SYT1: variants seen among roughly 807,000 people sequenced by gnomAD.
The protein encoded by SYT1 is synaptotagmin-1.
Under a neutral mutation model 44.8 loss-of-function variants are expected in SYT1, and 8 were observed. That is an observed-to-expected ratio of 0.18 (90% CI 0.10 to 0.32). SYT1 has a LOEUF of 0.32. SYT1 is among the 10% of genes least tolerant of loss of function. The probability of loss-of-function intolerance (pLI) is 1.00; values close to 1 mark genes in which losing one functional copy is unlikely to be tolerated. For synonymous variants in SYT1, 154 were observed against 188.8 expected, an observed-to-expected ratio of 0.82 and a Z score of 1.51; for missense variants, 286 against 509.3, an observed-to-expected ratio of 0.56 and a Z score of 4.22.
rs1883902647 is a variant in SYT1 at position 79,374,194 on chromosome 12, T to C, written c.928+20575T>C. 2.0e-5 allele frequency among the ~76,000 whole-genome samples: 3 copies of C among 152,286 alleles called. 1 individual carries two copies. In the South Asian group the frequency reaches 6.2e-4, roughly 32 times the overall value. On this transcript the variant is annotated intron_variant, in intron 9 of 10. Coordinates refer to ENST00000261205, the MANE Select transcript of SYT1 (RefSeq NM_005639.3). Reference sequence around the variant, plus strand: ...ACCTCAGTAAATTTCCAATCCTTTATTTTTAGAAGAAGAAAATAAAGTAGA... The same window carrying C: ...ACCTCAGTAAATTTCCAATCCTTTACTTTTAGAAGAAGAAAATAAAGTAGA...
chr12:79,000,372 C>A (rs1870660269), intron 2 of SYT1, among the ~76,000 whole-genome samples: 1 of 147,336 alleles, frequency 6.8e-6, no homozygotes, highest in South Asian at 2.1e-4. Flanking sequence ...CAGCTCAATG[C>A]AACCTCCGCC....
At chr12:79,045,375 C>A (rs1441199197) in intron 2 of SYT1, among the ~76,000 whole-genome samples, 1 of 152,190 alleles carries the variant, frequency 6.6e-6, no homozygotes, top group Non-Finnish European at 1.5e-5. Flanking sequence ...GAGGGAGTGA[C>A]CCGATTTTCC....
At chr12:79,148,482 C>T (rs1277546565) in intron 3 of SYT1, among the ~76,000 whole-genome samples, 1 of 152,060 alleles carries the variant, frequency 6.6e-6, no homozygotes, top group East Asian at 1.9e-4. Context: ...TTGACCTCTT[C>T]AACTAACGAT....
intron 1 of SYT1, among the ~76,000 whole-genome samples, chr12:78,898,781 T>C (rs1875499266): frequency 6.6e-6 from 1 of 152,030 alleles, no homozygotes; most frequent in Non-Finnish European, 1.5e-5. Context: ...AAGAAACCCT[T>C]TAATAGTGAT....
At chr12:79,199,442 AG>A (rs1873651165) in intron 3 of SYT1, among the ~76,000 whole-genome samples, 1 of 152,094 alleles carries the variant, frequency 6.6e-6, no homozygotes, top group Admixed American at 6.6e-5. Context: ...GTGATGAAAA[AG>A]ATTCAGTTAC....
chr12:79,339,730 A>C (rs551644687), intron 8 of SYT1, among the ~76,000 whole-genome samples: 21 of 152,278 alleles, frequency 1.4e-4, no homozygotes, highest in African/African-American at 5.1e-4. Context: ...TGTTTTAGTC[A>C]TGAAGTCCTT....
chr12:79,343,411 T>C lies in SYT1; in HGVS notation c.811-10091T>C, dbSNP rs78188702. Among the ~76,000 whole-genome samples the C allele has an allele frequency of 8.3e-4, 126 of 152,304 alleles. 1 individual carries two copies. In the East Asian group the frequency reaches 9.1e-3, roughly 11 times the overall value. ...TTTGTGAGCCAGGAACTCTTCTAAC[T>C]CCTTTTTTACATACTAACTGATGTA... On this transcript the variant is annotated intron_variant, in intron 8 of 10. Coordinates refer to ENST00000261205, the MANE Select transcript of SYT1 (RefSeq NM_005639.3).
At chr12:79,314,869 G>A (rs895409898) in intron 8 of SYT1, among the ~76,000 whole-genome samples, 1 of 152,130 alleles carries the variant, frequency 6.6e-6, no homozygotes, top group Non-Finnish European at 1.5e-5. Context: ...CCATACAATA[G>A]AAAATTACTT....
At chr12:79,331,379 T>C (rs1054768313) in intron 8 of SYT1, among the ~76,000 whole-genome samples, 1 of 152,210 alleles carries the variant, frequency 6.6e-6, no homozygotes, top group South Asian at 2.1e-4. Context: ...ATTCAAGGAC[T>C]TCAACTGCCT....
At chr12:79,235,978 G>A (rs1876165728) in intron 4 of SYT1, among the ~76,000 whole-genome samples, 1 of 152,052 alleles carries the variant, frequency 6.6e-6, no homozygotes, top group African/African-American at 2.4e-5. Context: ...CTCAATACCA[G>A]AGCTTATATT....
At chr12:79,216,339 C>A (rs985243796) in intron 3 of SYT1, among the ~76,000 whole-genome samples, 1 of 152,142 alleles carries the variant, frequency 6.6e-6, no homozygotes, top group Non-Finnish European at 1.5e-5. Context: ...TGAAGTGAAT[C>A]CTGTCCAGGC....
chr12:78,882,347 C>T (rs1232489293), intron 1 of SYT1, among the ~76,000 whole-genome samples: 1 of 151,720 alleles, frequency 6.6e-6, no homozygotes, highest in Non-Finnish European at 1.5e-5. Flanking sequence ...AAATAGAAAG[C>T]TGAGCTTTCC....
At chr12:79,159,551 T>A (rs1870818265) in intron 3 of SYT1, among the ~76,000 whole-genome samples, 1 of 152,186 alleles carries the variant, frequency 6.6e-6, no homozygotes, top group East Asian at 1.9e-4. Context: ...CTTATTATGG[T>A]AATTGTTGTT....
At chr12:79,230,275 A>G (rs4842311) in intron 4 of SYT1, among the ~76,000 whole-genome samples, 109,175 of 152,038 alleles carry the variant, frequency 0.72, 39,807 homozygotes, top group African/African-American at 0.81. Context: ...TTTTTAAAAA[A>G]TCTTCTGATT....
intron 9 of SYT1, among the ~76,000 whole-genome samples, chr12:79,366,947 T>TGTGTGTGTGTGTGTG (rs1883573962): frequency 7.2e-6 from 1 of 138,164 alleles, no homozygotes; most frequent in African/African-American, 2.7e-5. Flanking sequence ...TGTGTGTGTG[T>TGTGTGTGTGTGTGTG]TCAAAGAATG....
At chr12:78,946,758 T>G (rs940353092) in intron 1 of SYT1, among the ~76,000 whole-genome samples, 1 of 152,076 alleles carries the variant, frequency 6.6e-6, no homozygotes, top group East Asian at 1.9e-4. Flanking sequence ...GAGCAATTCT[T>G]AAACCCACTA....
intron 1 of SYT1, among the ~76,000 whole-genome samples, chr12:78,888,772 G>A (rs540977488): frequency 6.6e-6 from 1 of 151,748 alleles, no homozygotes; most frequent in African/African-American, 2.4e-5. Flanking sequence ...CCAAGGGTGC[G>A]ATTTGCATTC....
At chr12:79,122,211 C>G (rs980041248) in intron 3 of SYT1, among the ~76,000 whole-genome samples, 1 of 152,082 alleles carries the variant, frequency 6.6e-6, no homozygotes, top group African/African-American at 2.4e-5. Context: ...TGAAAGAAGT[C>G]AATAAAGAGA....
chr12:78,964,984 A>C (rs1879696633), intron 1 of SYT1, among the ~76,000 whole-genome samples: 1 of 152,006 alleles, frequency 6.6e-6, no homozygotes, highest in African/African-American at 2.4e-5. Context: ...ATTATTAACT[A>C]TTATTAATGC....
Sources: gnomAD v4.1 joint callset for allele counts (sites outside exome capture counted in the v4.1 genomes callset) on GRCh38, gnomAD v4.1.1 for gene constraint, MANE v1.5 for transcripts, NCBI Gene and HGNC (gene_info 2026-07-23, HGNC 2026-07-21) for gene names.